Variants in NCOA1 observed in about 807,000 individuals in gnomAD.
The protein encoded by NCOA1 is nuclear receptor coactivator 1.
Under a neutral mutation model 150.9 loss-of-function variants are expected in NCOA1, and 35 were observed. The observed-to-expected ratio is 0.23, with a 90% CI of 0.18 to 0.31. The LOEUF (loss-of-function observed/expected upper bound fraction) is 0.31. NCOA1 is among the 10% of genes least tolerant of loss of function. NCOA1 has a pLI of 1.00. For synonymous variants in NCOA1, 590 were observed against 630.0 expected, an observed-to-expected ratio of 0.94 and a Z score of 0.95; for missense variants, 1,491 against 1,749.3, an observed-to-expected ratio of 0.85 and a Z score of 2.63.
At chr2:24,642,800 C>T (rs867263008) in intron 3 of NCOA1, among the ~76,000 whole-genome samples, 1 of 152,216 alleles carries the variant, frequency 6.6e-6, no homozygotes, top group Middle Eastern at 3.4e-3. Context: ...AAGGAATGAA[C>T]TATTGATACG....
Position 24,491,423 on chromosome 2 carries a change from G to A in NCOA1, c.-575G>A, listed in dbSNP as rs1409250821. Among the ~76,000 whole-genome samples the A allele has an allele frequency of 1.4e-5, 1 of 71,550 alleles. No individual in the cohort carries two copies. Among genetic ancestry groups the A allele is most frequent in the Non-Finnish European group, 2.7e-5 (1 of 36,426 alleles). 46.9% of individuals were successfully genotyped at this position (71,550 alleles called of 152,430 possible). A position where few individuals can be genotyped will look rare whatever the true frequency, so the allele number is the denominator to read the frequency against. ...GCCGCCTGTTCGCTGCTGCTCCCTCGAGCGGAGCCTGCGTCAGGTTCCCTC... is the reference window on the plus strand; with the variant it reads ...GCCGCCTGTTCGCTGCTGCTCCCTCAAGCGGAGCCTGCGTCAGGTTCCCTC... On this transcript the variant is annotated 5_prime_UTR_variant, in exon 1 of 23. Coordinates refer to ENST00000348332, the MANE Select transcript of NCOA1 (RefSeq NM_003743.5).
Position 24,726,606 on chromosome 2 carries a change from T to C in NCOA1, c.2617T>C (p.Leu873=), listed in dbSNP as rs141288611. 2.2e-4 allele frequency: 360 copies of C among 1,608,712 alleles called. 6 individuals are homozygous for C. The South Asian group carries it at 3.1e-3, about 14-fold the overall frequency. The stretch of plus-strand genomic sequence containing the variant: ...TAAATCAGGATTACCTGAGCTGGAA[T>C]TGGAAGCAATTGATAACCAATTTGG... The part of the protein sequence containing the change: ...SRLNRLPELE[L]EAIDNQFGQP... The change falls in exon 15 of 23, where the codon TTG becomes CTG. Residue 873 remains leucine (L), a synonymous_variant. Coordinates refer to ENST00000348332, the MANE Select transcript of NCOA1 (RefSeq NM_003743.5).
chr2:24,615,041 GT>G (rs1668813566), intron 3 of NCOA1, among the ~76,000 whole-genome samples: 2 of 152,172 alleles, frequency 1.3e-5, no homozygotes, highest in African/African-American at 4.8e-5. Flanking sequence ...TAGCAGAATT[GT>G]TATTTGAATC....
At chr2:24,639,932 A>G (rs1387040216) in intron 3 of NCOA1, among the ~76,000 whole-genome samples, 1,154 of 23,172 alleles carry the variant, frequency 0.05, 79 homozygotes, top group East Asian at 0.1. Flanking sequence ...ATATATATAT[A>G]TATATATATA....
chr2:24,590,236 A>G (rs1667598922), intron 3 of NCOA1, among the ~76,000 whole-genome samples: 1 of 152,218 alleles, frequency 6.6e-6, no homozygotes, highest in African/African-American at 2.4e-5. Context: ...GAGGGAAGTC[A>G]GTGGAAGGAA....
chr2:24,617,269 G>A (rs182996037), intron 3 of NCOA1, among the ~76,000 whole-genome samples: 152 of 152,120 alleles, frequency 1.0e-3, no homozygotes, highest in Admixed American at 3.5e-3. Context: ...TTACCTTTGG[G>A]CACTTTTTTC....
intron 7 of NCOA1, among the ~76,000 whole-genome samples, chr2:24,675,710 T>C (rs1671873781): frequency 6.6e-6 from 1 of 151,876 alleles, no homozygotes; most frequent in Non-Finnish European, 1.5e-5. Context: ...GATGGCAAAA[T>C]CCCATCTCTA....
chr2:24,641,652 C>G (rs79921806), intron 3 of NCOA1, among the ~76,000 whole-genome samples: 11,785 of 152,160 alleles, frequency 0.077, 581 homozygotes, highest in Non-Finnish European at 0.11. Context: ...TCCCCACCCC[C>G]CTTCAGCATT....
chr2:24,642,835 G>A (rs1670293011), intron 3 of NCOA1, among the ~76,000 whole-genome samples: 1 of 152,126 alleles, frequency 6.6e-6, no homozygotes, highest in South Asian at 2.1e-4. Context: ...TGGATCTCAA[G>A]GGCATTATGC....
intron 12 of NCOA1, among the ~76,000 whole-genome samples, chr2:24,706,173 A>T (rs1336073823): frequency 6.6e-6 from 1 of 152,154 alleles, no homozygotes; most frequent in African/African-American, 2.4e-5. Context: ...CAGAGGTGTG[A>T]GAAGTTTATT....
chr2:24,721,027 G>A (rs1221194099), intron 14 of NCOA1, among the ~76,000 whole-genome samples: 2 of 152,100 alleles, frequency 1.3e-5, no homozygotes, highest in Non-Finnish European at 2.9e-5. Flanking sequence ...TATCCCCCAT[G>A]ACACTTATCT....
chr2:24,730,871 C>CA (rs35975198), intron 17 of NCOA1, among the ~76,000 whole-genome samples: 22,946 of 61,870 alleles, frequency 0.37, 3,582 homozygotes, highest in Middle Eastern at 0.47. Context: ...ACTAAAAGTA[C>CA]AAAAAAAAAA....
chr2:24,526,359 C>T (rs890749684), intron 1 of NCOA1, among the ~76,000 whole-genome samples: 9 of 151,842 alleles, frequency 5.9e-5, no homozygotes, highest in Non-Finnish European at 1.2e-4. Flanking sequence ...CTTACTGTTC[C>T]TCTTTCCTCT....
At chr2:24,648,798 G>GAT (rs950688516) in intron 4 of NCOA1, among the ~76,000 whole-genome samples, 4 of 152,160 alleles carry the variant, frequency 2.6e-5, no homozygotes, top group South Asian at 2.1e-4. Context: ...TATTGGTGTA[G>GAT]ATATATATAT....
rs958332516 is a variant in NCOA1, at chr2:24,564,299, A to G, written c.-391A>G. 8.5e-5 allele frequency: 13 copies of G among 152,160 alleles called. No individual in the cohort carries two copies. The highest frequency in any genetic ancestry group is 3.9e-4 in the Admixed American group (6 of 15,272). The allele number at this position is 152,160 out of a possible 1,614,324, so 9.4% of individuals were successfully genotyped here. A position where few individuals can be genotyped will look rare whatever the true frequency, so the allele number is the denominator to read the frequency against. On this transcript the variant is annotated 5_prime_UTR_variant, in exon 2 of 23. Transcript: ENST00000348332. Reference sequence around the variant, plus strand: ...GTCTTCTCTCTCCTGCTTTAGATCTATCCATACTAATGGAAATGTAACTGG... The same window carrying G: ...GTCTTCTCTCTCCTGCTTTAGATCTGTCCATACTAATGGAAATGTAACTGG...
At chr2:24,636,331 T>C (rs1669937617) in intron 3 of NCOA1, among the ~76,000 whole-genome samples, 1 of 152,192 alleles carries the variant, frequency 6.6e-6, no homozygotes, top group Non-Finnish European at 1.5e-5. Flanking sequence ...TATTTTGTTT[T>C]TGATGCTATT....
At chr2:24,546,611 G>T (rs1463160366) in intron 1 of NCOA1, among the ~76,000 whole-genome samples, 1 of 152,142 alleles carries the variant, frequency 6.6e-6, no homozygotes, top group Non-Finnish European at 1.5e-5. Context: ...TTGACACTTG[G>T]TGTTTGTAAT....
chr2:24,501,211 C>G (rs1287740292), intron 1 of NCOA1, among the ~76,000 whole-genome samples: 1 of 152,128 alleles, frequency 6.6e-6, no homozygotes, highest in Non-Finnish European at 1.5e-5. Flanking sequence ...TCAGTGCACC[C>G]AGTAATGGAG....
At chr2:24,757,132 T>C (rs1416644419) in intron 20 of NCOA1, among the ~76,000 whole-genome samples, 4 of 152,318 alleles carry the variant, frequency 2.6e-5, no homozygotes, top group Non-Finnish European at 5.9e-5. Flanking sequence ...GGATATTGAA[T>C]AAAGGGTCTC....
Sources: gnomAD v4.1 joint callset for allele counts (sites outside exome capture counted in the v4.1 genomes callset) on GRCh38, gnomAD v4.1.1 for gene constraint, MANE v1.5 for transcripts, NCBI Gene and HGNC (gene_info 2026-07-23, HGNC 2026-07-21) for gene names.